The following CD82 variants were observed in gnomAD, a reference collection of about 807,000 sequenced individuals.
CD82 encodes the protein CD82 molecule.
Under a neutral mutation model 37.4 loss-of-function variants are expected in CD82, and 36 were observed. The observed-to-expected ratio is 0.96, with a 90% CI of 0.74 to 1.27. The LOEUF (loss-of-function observed/expected upper bound fraction) is 1.27. Ranked by LOEUF, CD82 falls within the 50% of genes most tolerant of loss-of-function variation. CD82 has a pLI of 0.00. For synonymous variants in CD82, 158 were observed against 137.4 expected (o/e 1.15, Z -1.05); for missense variants, 340 against 347.0 (o/e 0.98, Z 0.16).
intron 2 of CD82, among the ~76,000 whole-genome samples, chr11:44,589,104 A>C (rs1220211488): frequency 6.6e-6 from 1 of 152,140 alleles, no homozygotes; most frequent in Non-Finnish European, 1.5e-5. Flanking sequence ...TAATACACAA[A>C]AGTTAGCCGG....
Position 44,618,223 on chromosome 11 carries a change from G to C in CD82, c.500G>C (p.Arg167Pro). ...NWTDNAELMN[R>P]PEVTYPCSCE... ...ACAGACAACGCTGAGCTCATGAATC[G>C]CCCTGAGGTCACCTACCCCTGTTCC... The change falls in exon 8 of 10, where the codon CGC (arginine) becomes CCC (proline). Residue 167 changes from arginine (R) to proline (P), a missense_variant. Physicochemically the swap from Arg to Pro is moderately radical, Grantham distance 103. Coordinates refer to ENST00000227155, the MANE Select transcript of CD82 (RefSeq NM_002231.4). The C allele has an allele frequency of 6.2e-7, 1 of 1,614,056 alleles. No individual in the cohort carries two copies. Among genetic ancestry groups the C allele is most frequent in the Non-Finnish European group, 8.5e-7 (1 of 1,180,018 alleles).
At chr11:44,574,415 T>G (rs1431668139) in intron 1 of CD82, among the ~76,000 whole-genome samples, 1 of 152,124 alleles carries the variant, frequency 6.6e-6, no homozygotes, top group Non-Finnish European at 1.5e-5. Context: ...GGCTTCCCCA[T>G]TTTGATCCTG....
At chr11:44,585,952 G>A (rs943065619) in intron 1 of CD82, among the ~76,000 whole-genome samples, 2 of 152,174 alleles carry the variant, frequency 1.3e-5, no homozygotes, top group Admixed American at 1.3e-4. Flanking sequence ...GTTGAAAGAT[G>A]GTGCAGGGAG....
intron 3 of CD82, among the ~76,000 whole-genome samples, chr11:44,598,887 A>G (rs1853267901): frequency 6.6e-6 from 1 of 152,160 alleles, no homozygotes; most frequent in Non-Finnish European, 1.5e-5. Flanking sequence ...GAGTTTCAAG[A>G]CGGGTCATCC....
intron 6 of CD82, chr11:44,608,149 C>T (rs376640085): frequency 1.3e-5 from 2 of 152,182 alleles, no homozygotes; most frequent in East Asian, 3.9e-4. Context: ...CAGTGGAAGA[C>T]TAAACATACT....
chr11:44,580,456 G>T (rs553512780), intron 1 of CD82, among the ~76,000 whole-genome samples: 1 of 152,210 alleles, frequency 6.6e-6, no homozygotes, highest in African/African-American at 2.4e-5. Flanking sequence ...GGCCAGGCGC[G>T]GTGGCTCACG....
intron 1 of CD82, among the ~76,000 whole-genome samples, chr11:44,583,324 C>A (rs1375633267): frequency 6.6e-6 from 1 of 152,248 alleles, no homozygotes; most frequent in Non-Finnish European, 1.5e-5. Context: ...ACTCTGCACC[C>A]TCCTGTCAGA....
intron 6 of CD82, chr11:44,606,453 G>A (rs1227133850): frequency 1.5e-5 from 2 of 136,398 alleles, no homozygotes; most frequent in African/African-American, 5.8e-5. Flanking sequence ...GGGCAACAGA[G>A]TGAGACCCTG....
intron 4 of CD82, among the ~76,000 whole-genome samples, chr11:44,602,140 G>A (rs974772065): frequency 6.6e-6 from 1 of 152,180 alleles, no homozygotes; most frequent in Admixed American, 6.5e-5. Flanking sequence ...CCTAGCTTCC[G>A]AGCCCGTGCC....
intron 2 of CD82, among the ~76,000 whole-genome samples, chr11:44,588,843 CA>C (rs1345401407): frequency 6.6e-6 from 1 of 152,040 alleles, no homozygotes; most frequent in East Asian, 1.9e-4. Flanking sequence ...TAGAAGTTGG[CA>C]AAATATTAAT....
At chr11:44,616,062 G>A (rs1853559872) in intron 7 of CD82, among the ~76,000 whole-genome samples, 1 of 152,110 alleles carries the variant, frequency 6.6e-6, no homozygotes, top group Non-Finnish European at 1.5e-5. Context: ...CCTTGGCTGG[G>A]ACCTGACATC....
intron 3 of CD82, among the ~76,000 whole-genome samples, chr11:44,598,400 A>ATTTTTTTTTT (rs71038809): frequency 0.018 from 1,046 of 58,890 alleles, 229 homozygotes; most frequent in Non-Finnish European, 0.019. Context: ...TTTGGCCTTA[A>ATTTTTTTTTT]TTTTTTTTTT....
intron 1 of CD82, among the ~76,000 whole-genome samples, chr11:44,586,726 G>A (rs1375587023): frequency 6.6e-6 from 1 of 152,182 alleles, no homozygotes; most frequent in Non-Finnish European, 1.5e-5. Context: ...CCCCAATCCA[G>A]CGATATCATT....
At chr11:44,609,178 G>C (rs546695378) in intron 6 of CD82, among the ~76,000 whole-genome samples, 2 of 152,312 alleles carry the variant, frequency 1.3e-5, no homozygotes, top group African/African-American at 4.8e-5. Context: ...CTGTGTTTTA[G>C]TGTGGGCTCT....
chr11:44,618,997 G>A lies in CD82; in HGVS notation c.727-52G>A, dbSNP rs375271738. On this transcript the variant is annotated intron_variant, in intron 9 of 9. Transcript: ENST00000227155. ...TAAACCTGGATGGTGAGGCTGGGGC[G>A]TCTGAGGCCGGGACACCCAGCCTCC... 943 of 1,491,272 alleles carry A rather than the reference G, an allele frequency of 6.3e-4. 9 individuals carry two copies. The highest frequency in any genetic ancestry group is 4.1e-3 in the Middle Eastern group (24 of 5,856). The allele number at this position is 1,491,272 out of a possible 1,614,324, so 92.4% of individuals were successfully genotyped here. A position where few individuals can be genotyped will look rare whatever the true frequency, so the allele number is the denominator to read the frequency against.
At chr11:44,594,756 T>C (rs1307244846) in intron 3 of CD82, 31 bp downstream of exon 3, 1 of 1,567,836 alleles carries the variant, frequency 6.4e-7, no homozygotes. Context: ...CCTGACCACC[T>C]CCGAAAAGAT....
At chr11:44,609,797 C>CT (rs1163418434) in intron 6 of CD82, among the ~76,000 whole-genome samples, 1 of 152,140 alleles carries the variant, frequency 6.6e-6, no homozygotes. Context: ...TGACCTTTCT[C>CT]TCCCCTGTTG....
At chr11:44,581,722 GAGGCCCCTGGGAGGGC>G (rs1440807163) in intron 1 of CD82, among the ~76,000 whole-genome samples, 1 of 152,196 alleles carries the variant, frequency 6.6e-6, no homozygotes, top group Non-Finnish European at 1.5e-5. Flanking sequence ...GGCCACTTGG[GAGGCCCCTGGGAGGGC>G]AGCCCCTCAG....
chr11:44,574,432 C>T (rs1205953509), intron 1 of CD82, among the ~76,000 whole-genome samples: 1 of 152,142 alleles, frequency 6.6e-6, no homozygotes, highest in Non-Finnish European at 1.5e-5. Flanking sequence ...CCTGATCTTG[C>T]TTGTTGGAAT....
Sources: allele counts gnomAD v4.1 joint callset (sites outside exome capture counted in the v4.1 genomes callset), GRCh38; gene constraint gnomAD v4.1.1; transcripts MANE v1.5; gene names NCBI Gene and HGNC (gene_info 2026-07-23, HGNC 2026-07-21).